Variants in RNF111 observed in about 807,000 individuals in gnomAD.
RNF111 encodes E3 ubiquitin-protein ligase Arkadia.
A neutral mutation model predicts 95.1 loss-of-function variants in RNF111; 17 were observed. The observed-to-expected ratio is 0.18, with a 90% confidence interval of 0.12 to 0.27. The LOEUF (loss-of-function observed/expected upper bound fraction) is 0.27, where lower values mean the gene tolerates loss of function less well. Ranked by LOEUF, RNF111 falls within the 10% of genes least tolerant of loss-of-function variation. The pLI is 1.00. For missense variants in RNF111, 1,189 were observed against 1,210.4 expected (o/e 0.98, Z 0.26); for synonymous variants, 440 against 414.8 (o/e 1.06, Z -0.74).
chr15:58,994,033 A>AT (rs371453519), intron 1 of RNF111, among the ~76,000 whole-genome samples: 8,583 of 103,066 alleles, frequency 0.083, 663 homozygotes, highest in African/African-American at 0.16. Context: ...TGTTACTTAA[A>AT]TTTTTTTTTT....
At chr15:59,090,741 A>C (rs2079030141) in intron 11 of RNF111, among the ~76,000 whole-genome samples, 1 of 152,210 alleles carries the variant, frequency 6.6e-6, no homozygotes, top group South Asian at 2.1e-4. Context: ...AACATGATAA[A>C]CAACCATTTG....
chr15:59,039,330 C>G (rs925318752), intron 2 of RNF111, among the ~76,000 whole-genome samples: 1 of 152,094 alleles, frequency 6.6e-6, no homozygotes, highest in African/African-American at 2.4e-5. Context: ...AGGAAGAACA[C>G]TTTGTTCATC....
At chr15:59,081,521 G>GCAA (rs1555401113) in intron 8 of RNF111, among the ~76,000 whole-genome samples, 1 of 149,656 alleles carries the variant, frequency 6.7e-6, no homozygotes, top group Non-Finnish European at 1.5e-5. Context: ...ACAAAGAACA[G>GCAA]CAACAACAAC....
At chr15:59,029,551 GTAAAGT>G (rs2040803640) in intron 1 of RNF111, among the ~76,000 whole-genome samples, 1 of 152,188 alleles carries the variant, frequency 6.6e-6, no homozygotes, top group Admixed American at 6.5e-5. Flanking sequence ...TGTTCTGATA[GTAAAGT>G]TATATACTAT....
intron 1 of RNF111, among the ~76,000 whole-genome samples, chr15:59,025,489 G>A (rs1236757282): frequency 6.6e-6 from 1 of 152,136 alleles, no homozygotes; most frequent in Admixed American, 6.6e-5. Context: ...GTAGTTATAG[G>A]TAGTAGAAGA....
At chr15:59,014,629 T>A (rs76638932) in intron 1 of RNF111, among the ~76,000 whole-genome samples, 1 of 152,206 alleles carries the variant, frequency 6.6e-6, no homozygotes, top group Non-Finnish European at 1.5e-5. Flanking sequence ...AGTTGTTAGA[T>A]TCTTCTGTTT....
intron 1 of RNF111, among the ~76,000 whole-genome samples, chr15:58,990,066 T>C (rs1349445493): frequency 6.6e-6 from 1 of 152,218 alleles, no homozygotes; most frequent in Non-Finnish European, 1.5e-5. Context: ...TGGGTAACGT[T>C]ATCTTATGAA....
Position 59,052,017 on chromosome 15 carries a change from A to G in RNF111, c.881-288A>G, listed in dbSNP as rs550803769. On this transcript the variant is annotated intron_variant, in intron 2 of 13. Transcript: ENST00000348370. ...TACAGATATTACAGGATAAATATCTATATAAGATCTTACAAATCATGTAGA... is the reference window on the plus strand; with the variant it reads ...TACAGATATTACAGGATAAATATCTGTATAAGATCTTACAAATCATGTAGA... Among the ~76,000 whole-genome samples, 123 of 152,272 alleles carry G rather than the reference A, an allele frequency of 8.1e-4. 1 individual carries two copies. Among genetic ancestry groups the G allele is most frequent in the African/African-American group, 2.8e-3 (115 of 41,560 alleles).
intron 2 of RNF111, among the ~76,000 whole-genome samples, chr15:59,039,058 G>A (rs189352862): frequency 4.6e-5 from 7 of 152,180 alleles, no homozygotes; most frequent in Admixed American, 1.3e-4. Flanking sequence ...TCTGCCTCCC[G>A]TGTTCAAGTG....
In RNF111 at chr15:59,077,473, T is replaced by C. The variant is rs1207730159; in HGVS notation, c.1948+1258T>C. ...TGTTCTATAAAAACTTTTAGAAATT[T>C]TCTTTGTACACATAGATAGGTATAT... On this transcript the variant is annotated intron_variant, in intron 7 of 13. Coordinates refer to ENST00000348370, the MANE Select transcript of RNF111 (RefSeq NM_017610.8). Among the ~76,000 whole-genome samples the C allele has an allele frequency of 2.6e-5, 4 of 152,242 alleles. No individual in the cohort carries two copies. The East Asian group carries it at 7.7e-4, about 29-fold the overall frequency.
chr15:59,008,072 C>T (rs1260092979), intron 1 of RNF111, among the ~76,000 whole-genome samples: 1 of 152,046 alleles, frequency 6.6e-6, no homozygotes, highest in Non-Finnish European at 1.5e-5. Context: ...AAATCTTTGC[C>T]CATGATATAA....
chr15:59,007,267 ATTTTT>A (rs796816598), intron 1 of RNF111, among the ~76,000 whole-genome samples: 1 of 143,512 alleles, frequency 7.0e-6, no homozygotes, highest in African/African-American at 2.5e-5. Flanking sequence ...CCAATGTTCA[ATTTTT>A]TTTTTTTTTT....
chr15:59,065,655 T>C (rs2042623756), intron 5 of RNF111, among the ~76,000 whole-genome samples: 2 of 152,184 alleles, frequency 1.3e-5, no homozygotes, highest in South Asian at 4.1e-4. Context: ...TTCCAAGTAT[T>C]AGAGTCTAAT....
chr15:59,068,318 G>C (rs907190216), intron 6 of RNF111, among the ~76,000 whole-genome samples: 2 of 152,204 alleles, frequency 1.3e-5, no homozygotes, highest in Non-Finnish European at 2.9e-5. Context: ...TGCAAAAAAA[G>C]TCAAAGAGGC....
rs183366410 is a variant in RNF111, at chr15:59,014,034, G to A, written c.-19-16770G>A. 3.3e-5 allele frequency among the ~76,000 whole-genome samples: 5 copies of A among 152,172 alleles called. No individual in the cohort carries two copies. The East Asian group carries it at 9.6e-4, about 29-fold the overall frequency. On this transcript the variant is annotated intron_variant, in intron 1 of 13. Transcript: ENST00000348370. Reference sequence around the variant, plus strand: ...TTGAACTCCTGAGCTTAGGCAATCCGCCTTCCATGGCCTCCCAACATGCTA... The same window carrying A: ...TTGAACTCCTGAGCTTAGGCAATCCACCTTCCATGGCCTCCCAACATGCTA...
chr15:59,060,343 A>AC (rs2042380026), intron 5 of RNF111, among the ~76,000 whole-genome samples: 1 of 152,056 alleles, frequency 6.6e-6, no homozygotes, highest in South Asian at 2.1e-4. Flanking sequence ...TGAGACTCAC[A>AC]CCTGTAATCC....
At chr15:59,080,386 T>C (rs2078705283) in intron 7 of RNF111, among the ~76,000 whole-genome samples, 1 of 152,118 alleles carries the variant, frequency 6.6e-6, no homozygotes, top group Non-Finnish European at 1.5e-5. Flanking sequence ...CCTCCTAAAG[T>C]GCTGGGATTA....
rs191204924 is a variant in RNF111, at chr15:59,082,993, A to G, written c.2298-1136A>G. ...AATATAAAATAATTAGACTATAAAA[A>G]TGAATCTTAGCTGGGTATGGTGGCA... On this transcript the variant is annotated intron_variant, in intron 8 of 13. Transcript: ENST00000348370. Among the ~76,000 whole-genome samples, 41 of 152,326 alleles carry G rather than the reference A, an allele frequency of 2.7e-4. No homozygotes were observed. In the East Asian group the frequency reaches 7.3e-3, roughly 27 times the overall value.
At position 59,080,160 on chromosome 15, in the gene RNF111, G is replaced by A. The variant is rs528991728; in HGVS notation, c.1949-776G>A. On this transcript the variant is annotated intron_variant, in intron 7 of 13. Transcript: ENST00000348370. Reference sequence around the variant, plus strand: ...TTTTGAGGTGGAGTCTCACTCTGTCGCCCAGGCTGGGGTGCAGTGGCATGA... The same window carrying A: ...TTTTGAGGTGGAGTCTCACTCTGTCACCCAGGCTGGGGTGCAGTGGCATGA... Among the ~76,000 whole-genome samples the A allele has an allele frequency of 3.4e-4, 42 of 122,902 alleles. No individual in the cohort carries two copies. The East Asian group carries it at 6.7e-3, about 20-fold the overall frequency. The allele number at this position is 122,902 out of a possible 152,430, so 80.6% of individuals were successfully genotyped here.
Sources: allele counts gnomAD v4.1 joint callset (sites outside exome capture counted in the v4.1 genomes callset), GRCh38; gene constraint gnomAD v4.1.1; transcripts MANE v1.5; gene names NCBI Gene and HGNC (gene_info 2026-07-23, HGNC 2026-07-21).